The following KCNIP1 variants were observed in gnomAD, a reference collection of about 807,000 sequenced individuals.
KCNIP1 encodes the protein A-type potassium channel modulatory protein KCNIP1.
KCNIP1 carries 18 observed loss-of-function variants against 33.0 expected under a neutral mutation model. The ratio of observed to expected loss-of-function variants is 0.55; its 90% CI spans 0.38 to 0.81. KCNIP1 has a LOEUF of 0.81. Among genes scored for constraint, KCNIP1 ranks in the 30% least tolerant of loss-of-function variants. KCNIP1 has a pLI of 0.00. For synonymous variants in KCNIP1, 93 were observed against 98.3 expected (o/e 0.95, Z 0.32); for missense variants, 238 against 271.6 (o/e 0.88, Z 0.87).
intron 1 of KCNIP1, among the ~76,000 whole-genome samples, chr5:170,384,865 G>T (rs567678698): frequency 6.6e-6 from 1 of 152,236 alleles, no homozygotes; most frequent in African/African-American, 2.4e-5. Context: ...TGAAATGTAT[G>T]TTCAGTGAGG....
chr5:170,363,356 G>A (rs1478008372), intron 1 of KCNIP1, among the ~76,000 whole-genome samples: 1 of 152,196 alleles, frequency 6.6e-6, no homozygotes, highest in Non-Finnish European at 1.5e-5. Context: ...TGATGATAGG[G>A]CCTTGATGCA....
intron 1 of KCNIP1, among the ~76,000 whole-genome samples, chr5:170,624,231 A>G (rs1759724803): frequency 6.6e-6 from 1 of 152,228 alleles, no homozygotes; most frequent in South Asian, 2.1e-4. Context: ...AACCATATTT[A>G]TTGAGCATCT....
At chr5:170,681,133 C>T in intron 1 of KCNIP1, 2 of 399,214 alleles carry the variant, frequency 5.0e-6, no homozygotes, top group Non-Finnish European at 8.8e-6. Context: ...GTGTGCTCCT[C>T]CCTGAAACTT....
At chr5:170,540,894 C>A (rs1756179940) in intron 1 of KCNIP1, among the ~76,000 whole-genome samples, 1 of 152,170 alleles carries the variant, frequency 6.6e-6, no homozygotes, top group South Asian at 2.1e-4. Flanking sequence ...TAGGTGGAGG[C>A]TAACAGATCT....
At chr5:170,576,648 C>G (rs1757615401) in intron 1 of KCNIP1, among the ~76,000 whole-genome samples, 1 of 152,242 alleles carries the variant, frequency 6.6e-6, no homozygotes, top group Admixed American at 6.5e-5. Context: ...AAGCCTCTGT[C>G]TCCTCCACTA....
At chr5:170,478,228 T>G (rs1756899893) in intron 1 of KCNIP1, among the ~76,000 whole-genome samples, 1 of 152,250 alleles carries the variant, frequency 6.6e-6, no homozygotes, top group Admixed American at 6.5e-5. Flanking sequence ...TTATTGTAGT[T>G]GTATTCATTT....
At chr5:170,615,806 G>C (rs1759346887) in intron 1 of KCNIP1, among the ~76,000 whole-genome samples, 1 of 152,148 alleles carries the variant, frequency 6.6e-6, no homozygotes, top group South Asian at 2.1e-4. Context: ...AATACTAATA[G>C]TACTTACATA....
At chr5:170,497,886 G>T (rs1757340113) in intron 1 of KCNIP1, among the ~76,000 whole-genome samples, 1 of 152,242 alleles carries the variant, frequency 6.6e-6, no homozygotes, top group African/African-American at 2.4e-5. Flanking sequence ...CTCTGGTGGA[G>T]ACTGTGGCAG....
chr5:170,467,240 C>T (rs931369252), intron 1 of KCNIP1, among the ~76,000 whole-genome samples: 5 of 152,048 alleles, frequency 3.3e-5, no homozygotes, highest in African/African-American at 9.7e-5. Context: ...CAGAGGTCGA[C>T]GTTTTTAGCT....
chr5:170,494,787 C>T (rs1390149620), intron 1 of KCNIP1, among the ~76,000 whole-genome samples: 1 of 152,228 alleles, frequency 6.6e-6, no homozygotes, highest in African/African-American at 2.4e-5. Context: ...CCCTCCACTG[C>T]TCCCATCTGC....
chr5:170,477,519 C>G (rs1323860187), intron 1 of KCNIP1, among the ~76,000 whole-genome samples: 2 of 152,130 alleles, frequency 1.3e-5, no homozygotes, highest in Non-Finnish European at 2.9e-5. Context: ...TCACTGCAAC[C>G]TCCACCTCCT....
intron 1 of KCNIP1, among the ~76,000 whole-genome samples, chr5:170,433,011 T>G (rs574997186): frequency 1.6e-4 from 24 of 152,036 alleles, no homozygotes; most frequent in Non-Finnish European, 2.9e-4. Context: ...ATTAGATGAG[T>G]GTTAAATAGG....
intron 1 of KCNIP1, among the ~76,000 whole-genome samples, chr5:170,657,571 G>A (rs1466995030): frequency 6.6e-6 from 1 of 152,128 alleles, no homozygotes; most frequent in Admixed American, 6.5e-5. Context: ...CCCAAGGATA[G>A]ACAGCTTCCC....
intron 1 of KCNIP1, among the ~76,000 whole-genome samples, chr5:170,358,728 C>T (rs1198180107): frequency 1.3e-5 from 2 of 152,232 alleles, no homozygotes; most frequent in African/African-American, 2.4e-5. Context: ...AGGCACCTTC[C>T]TTGCCTCTTT....
At chr5:170,411,090 A>G (rs1230855827) in intron 1 of KCNIP1, among the ~76,000 whole-genome samples, 1 of 152,248 alleles carries the variant, frequency 6.6e-6, no homozygotes, top group East Asian at 1.9e-4. Flanking sequence ...AAACAGAGCC[A>G]GCTCTATGTT....
intron 1 of KCNIP1, chr5:170,382,978 AG>A (rs1764306787): frequency 7.0e-6 from 1 of 143,650 alleles, no homozygotes; most frequent in Non-Finnish European, 1.5e-5. Context: ...GGAGGGAGAG[AG>A]GGAGGGAAGG....
chr5:170,699,107 G>T (rs1044784800), intron 1 of KCNIP1, among the ~76,000 whole-genome samples: 2 of 152,092 alleles, frequency 1.3e-5, no homozygotes, highest in Non-Finnish European at 2.9e-5. Context: ...TAATCTTTAT[G>T]AATTTCTTCA....
intron 1 of KCNIP1, among the ~76,000 whole-genome samples, chr5:170,559,804 G>T (rs1756970149): frequency 6.6e-6 from 1 of 152,190 alleles, no homozygotes; most frequent in Non-Finnish European, 1.5e-5. Context: ...GAATAAAGCT[G>T]CCTCAAGGTA....
In KCNIP1 at chr5:170,381,646, G is replaced by A. The variant is rs111269553; in HGVS notation, c.88+27682G>A. 4.8e-3 allele frequency among the ~76,000 whole-genome samples: 728 copies of A among 152,336 alleles called. 5 individuals carry two copies. The highest frequency in any genetic ancestry group is 0.017 in the African/African-American group (707 of 41,574). On this transcript the variant is annotated intron_variant, in intron 1 of 7. Coordinates refer to the KCNIP1 transcript ENST00000377360. ...CACCTGGTCAAGCCTGGGCGGCAGGGGAGAGGACAGCAGTGGCTCCAGCAT... is the reference window on the plus strand; with the variant it reads ...CACCTGGTCAAGCCTGGGCGGCAGGAGAGAGGACAGCAGTGGCTCCAGCAT...
Sources: gnomAD v4.1 joint callset for allele counts (sites outside exome capture counted in the v4.1 genomes callset) on GRCh38, gnomAD v4.1.1 for gene constraint, MANE v1.5 for transcripts, NCBI Gene and HGNC (gene_info 2026-07-23, HGNC 2026-07-21) for gene names.